The following IRAK3 variants were observed in gnomAD, a reference collection of about 807,000 sequenced individuals.
IRAK3 encodes the protein interleukin-1 receptor-associated kinase 3.
IRAK3 carries 57 observed loss-of-function variants against 56.6 expected under a neutral mutation model. That is an observed-to-expected ratio of 1.01 (90% CI 0.81 to 1.26). The LOEUF (loss-of-function observed/expected upper bound fraction) is 1.26, where lower values mean the gene tolerates loss of function less well. IRAK3 is among the 50% of genes most tolerant of loss of function. The pLI is 0.00. For missense variants in IRAK3, 703 were observed against 719.0 expected (o/e 0.98, Z 0.25); for synonymous variants, 258 against 255.7 (o/e 1.01, Z -0.09).
At chr12:66,190,228 A>AT (rs2052386330) in intron 1 of IRAK3, among the ~76,000 whole-genome samples, 1 of 152,154 alleles carries the variant, frequency 6.6e-6, no homozygotes, top group Admixed American at 6.5e-5. Flanking sequence ...CTGAAATAGG[A>AT]TTTTTCTTAC....
intron 1 of IRAK3, chr12:66,197,050 A>G: frequency 5.5e-6 from 8 of 1,465,016 alleles, no homozygotes; most frequent in Non-Finnish European, 7.2e-6. Context: ...GAAAACAGTC[A>G]GTCCTGCACT....
rs1456709729 is a variant in IRAK3, at chr12:66,189,408, G to A, written c.109G>A (p.Gly37Ser). ...ELCAVLDSCDGALGWRGLAER... is the reference protein window; with the variant it reads ...ELCAVLDSCDSALGWRGLAER... ...CTGCGCTGTTCTGGACAGCTGCGAC[G>A]GCGCGCTGGGCTGGCGCGGCCTGGG... Residue 37 changes from glycine (G) to serine (S), a missense_variant, in exon 1 of 12, where the codon GGC becomes AGC. Gly to Ser is a moderately conservative substitution (Grantham distance 56). Transcript: ENST00000261233. The A allele has an allele frequency of 1.4e-6, 2 of 1,434,808 alleles. No homozygotes were observed. Among genetic ancestry groups the A allele is most frequent in the African/African-American group, 1.5e-5 (1 of 67,180 alleles). The allele number at this position is 1,434,808 out of a possible 1,614,324, so 88.9% of individuals were successfully genotyped here.
At chr12:66,211,113 G>A (rs990777440) in intron 4 of IRAK3, among the ~76,000 whole-genome samples, 1 of 152,112 alleles carries the variant, frequency 6.6e-6, no homozygotes, top group African/African-American at 2.4e-5. Context: ...GTAGTTTTAG[G>A]TTCATAGTGG....
chr12:66,235,300 C>T, intron 8 of IRAK3: 1 of 1,259,262 alleles, frequency 7.9e-7, no homozygotes, highest in Non-Finnish European at 1.0e-6. Context: ...CTGCGGGCCG[C>T]GGCGGCGGGC....
intron 1 of IRAK3, among the ~76,000 whole-genome samples, chr12:66,202,034 C>G (rs1476194342): frequency 6.6e-6 from 1 of 152,120 alleles, no homozygotes; most frequent in Non-Finnish European, 1.5e-5. Flanking sequence ...GTTGGCAATT[C>G]TGAAAGCACT....
intron 8 of IRAK3, chr12:66,234,702 T>C (rs1592598353): frequency 6.2e-7 from 1 of 1,604,932 alleles, no homozygotes; most frequent in East Asian, 2.2e-5. Flanking sequence ...AAATGACCAG[T>C]AACAGCTTCA....
chr12:66,191,287 A>T (rs1430386973), intron 1 of IRAK3, among the ~76,000 whole-genome samples: 1 of 150,578 alleles, frequency 6.6e-6, no homozygotes, highest in Non-Finnish European at 1.5e-5. Flanking sequence ...GTGGTCAGTA[A>T]TTATTCAAGT....
At chr12:66,200,142 G>A (rs927809211) in intron 1 of IRAK3, among the ~76,000 whole-genome samples, 3 of 152,166 alleles carry the variant, frequency 2.0e-5, no homozygotes, top group African/African-American at 7.2e-5. Context: ...TGCAAATGCT[G>A]CCACTCTATT....
At chr12:66,234,171 T>A (rs2052877230) in intron 8 of IRAK3, 1 of 1,614,080 alleles carries the variant, frequency 6.2e-7, no homozygotes, top group South Asian at 1.1e-5. Context: ...GCCGCTGTCG[T>A]CTGCATATGT....
chr12:66,228,369 A>G lies in IRAK3; in HGVS notation c.886A>G (p.Ser296Gly). Reference protein sequence around the residue: ...PCSVICGSISSANILLDDQFQ... With the variant: ...PCSVICGSISGANILLDDQFQ... Reference sequence around the variant, plus strand: ...CTCGGTCATCTGTGGCAGTATATCAAGGTAAATTATTCCAGAGCTTTTGGT... The same window carrying G: ...CTCGGTCATCTGTGGCAGTATATCAGGGTAAATTATTCCAGAGCTTTTGGT... The change falls in exon 8 of 12, where the codon AGT becomes GGT. Residue 296 changes from serine to glycine, a missense_variant and splice_region_variant. Transcript: ENST00000261233. The G allele has an allele frequency of 6.2e-7, 1 of 1,607,192 alleles. No homozygotes were observed. Among genetic ancestry groups the G allele is most frequent in the Non-Finnish European group, 8.5e-7 (1 of 1,173,678 alleles).
intron 8 of IRAK3, among the ~76,000 whole-genome samples, chr12:66,239,333 T>G (rs2052940249): frequency 6.7e-6 from 1 of 149,172 alleles, no homozygotes. Flanking sequence ...TGATCAGAGA[T>G]GTAAGGTCAG....
rs936787110 is a variant in IRAK3 at position 66,217,206 on chromosome 12, G to A, written c.624G>A (p.Arg208=). 4 of 1,611,730 alleles carry A rather than the reference G, an allele frequency of 2.5e-6. No homozygotes were observed. The African/African-American group carries it at 4.0e-5, about 16-fold the overall frequency. Residue 208 remains arginine (R), a synonymous_variant, in exon 6 of 12, where the codon AGG becomes AGA. Coordinates refer to ENST00000261233, the MANE Select transcript of IRAK3 (RefSeq NM_007199.3). ...TGCAGTGTAAGAAGCATTGGAAGAGGTTTTTATCTGAGCTTGAAGTTTTAC... is the reference window on the plus strand; with the variant it reads ...TGCAGTGTAAGAAGCATTGGAAGAGATTTTTATCTGAGCTTGAAGTTTTAC... The part of the protein sequence containing the change: ...KKMQCKKHWK[R]FLSELEVLLL...
intron 1 of IRAK3, chr12:66,197,306 A>G: frequency 1.9e-6 from 2 of 1,064,336 alleles, no homozygotes; most frequent in Non-Finnish European, 2.3e-6. Flanking sequence ...ATGTACTGCG[A>G]GTAAACAAAG....
At chr12:66,241,764 T>C (rs2052972308) in intron 8 of IRAK3, among the ~76,000 whole-genome samples, 1 of 152,248 alleles carries the variant, frequency 6.6e-6, no homozygotes, top group Admixed American at 6.5e-5. Flanking sequence ...CACATCTTGT[T>C]GATGGCCTTT....
intron 8 of IRAK3, among the ~76,000 whole-genome samples, chr12:66,232,365 AG>A (rs1325524157): frequency 2.6e-5 from 4 of 152,174 alleles, no homozygotes; most frequent in African/African-American, 9.7e-5. Context: ...AAAGCAAATC[AG>A]TCCCTTCCAC....
At chr12:66,235,034 T>C (rs1036509611) in intron 8 of IRAK3, 3 of 1,613,290 alleles carry the variant, frequency 1.9e-6, no homozygotes, top group Non-Finnish European at 2.5e-6. Context: ...GGAGACTATT[T>C]TCCCATATGG....
chr12:66,218,058 T>C (rs1195003656), intron 6 of IRAK3, among the ~76,000 whole-genome samples: 1 of 152,136 alleles, frequency 6.6e-6, no homozygotes, highest in Non-Finnish European at 1.5e-5. Context: ...ATTGCAAAAT[T>C]TCAAAAGTAC....
intron 11 of IRAK3, among the ~76,000 whole-genome samples, chr12:66,247,366 T>C (rs1004973817): frequency 6.6e-6 from 1 of 152,208 alleles, no homozygotes; most frequent in East Asian, 1.9e-4. Context: ...CCTTATTCCC[T>C]TCCAATCTTC....
In IRAK3 at chr12:66,236,029, A is replaced by G. The variant is rs146651006; in HGVS notation, c.887+7659A>G. On this transcript the variant is annotated intron_variant, in intron 8 of 11. Transcript: ENST00000261233. ...ACTAAATGAAATCCTTATCAGTTCA[A>G]TCATTCTCTGTAATTAATTTTATCA... Among the ~76,000 whole-genome samples, 484 of 152,350 alleles carry G rather than the reference A, an allele frequency of 3.2e-3. 8 individuals are homozygous for G. Among genetic ancestry groups the G allele is most frequent in the African/African-American group, 0.011 (442 of 41,576 alleles).
Sources: allele counts gnomAD v4.1 joint callset (sites outside exome capture counted in the v4.1 genomes callset), GRCh38; gene constraint gnomAD v4.1.1; transcripts MANE v1.5; gene names NCBI Gene and HGNC (gene_info 2026-07-23, HGNC 2026-07-21).